Variants in ADAMTS17 observed in about 807,000 individuals in gnomAD.
ADAMTS17 encodes ADAM metallopeptidase with thrombospondin type 1 motif 17.
A neutral mutation model predicts 141.5 loss-of-function variants in ADAMTS17; 113 were observed. The observed-to-expected ratio is 0.80, with a 90% CI of 0.69 to 0.93. The LOEUF is 0.93. ADAMTS17 is among the 40% of genes least tolerant of loss of function. ADAMTS17 has a pLI of 0.00. For synonymous variants in ADAMTS17, 768 were observed against 630.6 expected, an observed-to-expected ratio of 1.22 and a Z score of -3.27; for missense variants, 1,659 against 1,517.9, an observed-to-expected ratio of 1.09 and a Z score of -1.54.
At chr15:100,148,204 T>C (rs2038999056) in intron 10 of ADAMTS17, among the ~76,000 whole-genome samples, 1 of 152,198 alleles carries the variant, frequency 6.6e-6, no homozygotes, top group African/African-American at 2.4e-5. Context: ...GGATAGGACA[T>C]AAAGATCTAC....
intron 8 of ADAMTS17, among the ~76,000 whole-genome samples, chr15:100,190,619 G>C (rs1046832796): frequency 6.6e-6 from 1 of 152,224 alleles, no homozygotes; most frequent in Non-Finnish European, 1.5e-5. Context: ...AGAGGGGCAG[G>C]TCTGGAGAAG....
At chr15:100,161,758 AG>A (rs1009735109) in intron 8 of ADAMTS17, among the ~76,000 whole-genome samples, 63 of 152,342 alleles carry the variant, frequency 4.1e-4, no homozygotes, top group African/African-American at 1.5e-3. Context: ...AAATGCCACT[AG>A]GGGATAACAG....
In ADAMTS17 at chr15:100,133,248, G is replaced by A. The variant is rs1165219013; in HGVS notation, c.1541C>T (p.Pro514Leu). Residue 514 changes from proline to leucine, a missense_variant, in exon 11 of 22, where the codon CCT becomes CTT. Transcript: ENST00000268070. The part of the protein sequence containing the change: ...GDTSCKTKLD[P>L]PLDGTECGAD... Reference sequence around the variant, plus strand: ...CCCACACTCGGTGCCATCCAGGGGAGGGTCCAGCTTGGTCTTGCAGGATGT... The same window carrying A: ...CCCACACTCGGTGCCATCCAGGGGAAGGTCCAGCTTGGTCTTGCAGGATGT... 8 of 1,599,526 alleles carry A rather than the reference G, an allele frequency of 5.0e-6. No individual in the cohort carries two copies. Among genetic ancestry groups the A allele is most frequent in the Non-Finnish European group, 5.1e-6 (6 of 1,171,900 alleles).
At chr15:100,026,969 T>C (rs927758484) in intron 18 of ADAMTS17, among the ~76,000 whole-genome samples, 1 of 152,226 alleles carries the variant, frequency 6.6e-6, no homozygotes, top group African/African-American at 2.4e-5. Flanking sequence ...CTATCATCTG[T>C]CTTTTCTATT....
intron 7 of ADAMTS17, among the ~76,000 whole-genome samples, chr15:100,251,418 G>A (rs944543716): frequency 4.6e-5 from 7 of 152,198 alleles, no homozygotes; most frequent in Admixed American, 3.3e-4. Context: ...GGTAGAGAGA[G>A]GACCTTCAAA....
At chr15:99,991,608 G>A (rs2060691188) in intron 20 of ADAMTS17, among the ~76,000 whole-genome samples, 1 of 152,218 alleles carries the variant, frequency 6.6e-6, no homozygotes, top group Non-Finnish European at 1.5e-5. Context: ...GTGAAAGACA[G>A]TGTGGCGATT....
intron 18 of ADAMTS17, among the ~76,000 whole-genome samples, chr15:100,038,461 T>C (rs2030953198): frequency 1.3e-5 from 2 of 152,242 alleles, no homozygotes; most frequent in African/African-American, 4.8e-5. Flanking sequence ...TTGTAGAGTA[T>C]TGTTATCTTA....
intron 20 of ADAMTS17, among the ~76,000 whole-genome samples, chr15:99,985,857 C>G (rs898224280): frequency 2.0e-5 from 3 of 152,212 alleles, no homozygotes; most frequent in African/African-American, 7.2e-5. Context: ...TATCACTGAT[C>G]CCAATAAAAG....
chr15:100,021,781 C>T lies in ADAMTS17; in HGVS notation c.2592-24192G>A, dbSNP rs189047650. Among the ~76,000 whole-genome samples the T allele has an allele frequency of 2.6e-5, 4 of 152,268 alleles. No homozygotes were observed. The East Asian group carries it at 5.8e-4, about 22-fold the overall frequency. ...GGGGAACAAGCCTTGTCGCCCTGGC[C>T]CTGGCCAGCCACATGTGCTCCTCCC... On this transcript the variant is annotated intron_variant, in intron 18 of 21. Transcript: ENST00000268070.
intron 3 of ADAMTS17, among the ~76,000 whole-genome samples, chr15:100,283,970 G>T (rs963637546): frequency 6.6e-6 from 1 of 152,184 alleles, no homozygotes; most frequent in East Asian, 1.9e-4. Flanking sequence ...GCCAGGCATG[G>T]TGGTGCGTGC....
intron 7 of ADAMTS17, among the ~76,000 whole-genome samples, chr15:100,241,545 G>A (rs568646158): frequency 1.1e-4 from 16 of 152,170 alleles, no homozygotes; most frequent in Non-Finnish European, 2.2e-4. Flanking sequence ...AATGTTTCAG[G>A]GGCCATGGCT....
intron 3 of ADAMTS17, among the ~76,000 whole-genome samples, chr15:100,282,180 C>T (rs1039129398): frequency 3.3e-5 from 5 of 152,222 alleles, no homozygotes; most frequent in Non-Finnish European, 7.3e-5. Context: ...TTGATATGAA[C>T]AGCATGCATT....
chr15:100,202,984 T>A (rs1331231051), intron 7 of ADAMTS17, among the ~76,000 whole-genome samples: 5 of 138,592 alleles, frequency 3.6e-5, no homozygotes, highest in African/African-American at 1.7e-4. Context: ...TATTTAAAAA[T>A]TTTTAAAAAC....
chr15:100,205,364 A>G (rs1428171422), intron 7 of ADAMTS17, among the ~76,000 whole-genome samples: 1 of 152,170 alleles, frequency 6.6e-6, no homozygotes, highest in Non-Finnish European at 1.5e-5. Context: ...TAGAAACCAA[A>G]ACATGCCGGG....
intron 14 of ADAMTS17, among the ~76,000 whole-genome samples, chr15:100,107,372 A>AC (rs1196990274): frequency 6.6e-6 from 1 of 151,960 alleles, no homozygotes; most frequent in Non-Finnish European, 1.5e-5. Flanking sequence ...TGATCCTGAC[A>AC]CTGATCTGCC....
chr15:100,108,208 G>A (rs968493968), intron 14 of ADAMTS17, among the ~76,000 whole-genome samples: 10 of 150,730 alleles, frequency 6.6e-5, no homozygotes, highest in African/African-American at 2.4e-4. Flanking sequence ...GTCTTGCTTT[G>A]TTGCCCAGGC....
intron 7 of ADAMTS17, among the ~76,000 whole-genome samples, chr15:100,252,207 T>C (rs1395818588): frequency 6.6e-6 from 1 of 152,210 alleles, no homozygotes; most frequent in East Asian, 1.9e-4. Flanking sequence ...AAGCTAGCCA[T>C]AAATCCTATG....
At chr15:100,101,722 A>C (rs1398915337) in intron 14 of ADAMTS17, among the ~76,000 whole-genome samples, 1 of 152,186 alleles carries the variant, frequency 6.6e-6, no homozygotes, top group African/African-American at 2.4e-5. Context: ...TGGGGAGTCT[A>C]GTTTTCTCAT....
intron 8 of ADAMTS17, among the ~76,000 whole-genome samples, chr15:100,156,059 G>A (rs1567272119): frequency 6.6e-6 from 1 of 152,128 alleles, no homozygotes; most frequent in Admixed American, 6.5e-5. Context: ...AATCTCAGTG[G>A]AACAACGACA....
Sources: allele counts gnomAD v4.1 joint callset (sites outside exome capture counted in the v4.1 genomes callset), GRCh38; gene constraint gnomAD v4.1.1; transcripts MANE v1.5; gene names NCBI Gene and HGNC (gene_info 2026-07-23, HGNC 2026-07-21).